The following PIWIL1 variants were observed in gnomAD, a reference collection of about 807,000 sequenced individuals.
PIWIL1 encodes the protein piwi like RNA-mediated gene silencing 1, also known as piwi-like protein 1.
Under a neutral mutation model 114.4 loss-of-function variants are expected in PIWIL1, and 73 were observed. The observed-to-expected ratio is 0.64, with a 90% confidence interval of 0.53 to 0.78. PIWIL1 has a LOEUF of 0.78. Ranked by LOEUF, PIWIL1 falls within the 30% of genes least tolerant of loss-of-function variation. The pLI, the probability that PIWIL1 is intolerant of heterozygous loss-of-function variation, is 0.00. For missense variants in PIWIL1, 723 were observed against 1,063.1 expected (o/e 0.68, Z 4.45); for synonymous variants, 375 against 369.0 (o/e 1.02, Z -0.19).
chr12:130,397,677 T>G, the PIWIL1 span: 1 of 395,730 alleles, frequency 2.5e-6, no homozygotes, highest in Non-Finnish European at 4.5e-6. Context: ...TTTCAGTTGT[T>G]GAAGTATGCC....
chr12:130,350,780 G>A (rs775524005), intron 9 of PIWIL1, among the ~76,000 whole-genome samples: 1 of 152,090 alleles, frequency 6.6e-6, no homozygotes, highest in East Asian at 1.9e-4. Context: ...AGTATTTCCT[G>A]TTTCTAAAAA....
At chr12:130,424,622 C>A in the PIWIL1 span, 2 of 1,231,938 alleles carry the variant, frequency 1.6e-6, no homozygotes, top group South Asian at 8.2e-5. The surrounding 1 kb of genome is among the most constrained non-coding windows in gnomAD (Gnocchi z 9.8). Flanking sequence ...TCACCGGGAA[C>A]CAGGAGCCCC....
At chr12:130,424,034 A>G in the PIWIL1 span, 1 of 549,006 alleles carries the variant, frequency 1.8e-6, no homozygotes, top group Non-Finnish European at 2.7e-6. The surrounding 1 kb of genome is among the most constrained non-coding windows in gnomAD (Gnocchi z 9.8). Flanking sequence ...AAAGACAGCC[A>G]GCAAGAGAGT....
chr12:130,354,425 CT>C (rs1193915533), intron 9 of PIWIL1, 111 bp from the exon 10 acceptor site: 3 of 1,341,706 alleles, frequency 2.2e-6, no homozygotes, highest in Non-Finnish European at 3.1e-6. Flanking sequence ...TATTATCAGC[CT>C]TGCTATTGGC....
intron 19 of PIWIL1, among the ~76,000 whole-genome samples, chr12:130,368,154 T>G (rs992897448): frequency 1.3e-5 from 2 of 152,186 alleles, no homozygotes; most frequent in Admixed American, 6.5e-5. Context: ...GAGGTGTTGT[T>G]AATGCAGTGA....
At chr12:130,346,011 G>A (rs1236221194) in intron 4 of PIWIL1, 133 bp downstream of exon 4, 2 of 850,916 alleles carry the variant, frequency 2.4e-6, no homozygotes, top group Non-Finnish European at 3.6e-6. Flanking sequence ...ACTTTCTTTT[G>A]GCGTTGATGA....
chr12:130,387,884 T>A, the PIWIL1 span, among the ~76,000 whole-genome samples: 1 of 152,240 alleles, frequency 6.6e-6, no homozygotes, highest in South Asian at 2.1e-4. Context: ...TTGTCCAAAT[T>A]TGCCAGTTTT....
intron 1 of PIWIL1, among the ~76,000 whole-genome samples, chr12:130,338,483 T>C (rs77539184): frequency 0.089 from 371 of 4,162 alleles, 50 homozygotes; most frequent in African/African-American, 0.25. Context: ...GTCCCAGGTG[T>C]GGGAGATGCA....
At chr12:130,393,569 T>C in the PIWIL1 span, among the ~76,000 whole-genome samples, 3 of 152,212 alleles carry the variant, frequency 2.0e-5, no homozygotes, top group African/African-American at 7.2e-5. Context: ...GATGACCCAG[T>C]CACCATCCTC....
chr12:130,361,457 G>C (rs753127359), intron 15 of PIWIL1, 41 bp from the exon 16 acceptor site: 3 of 1,608,302 alleles, frequency 1.9e-6, no homozygotes, highest in Non-Finnish European at 2.6e-6. Flanking sequence ...AAATGTTGCT[G>C]GTACTCCATT....
downstream of PIWIL1, among the ~76,000 whole-genome samples, chr12:130,376,148 C>G (rs2073864687): frequency 6.6e-6 from 1 of 152,336 alleles, no homozygotes; most frequent in South Asian, 2.1e-4. Flanking sequence ...CAGCTGTCTC[C>G]TAGACGTCTC....
chr12:130,369,325 C>G (rs1351631969), intron 19 of PIWIL1, among the ~76,000 whole-genome samples: 1 of 152,126 alleles, frequency 6.6e-6, no homozygotes, highest in Non-Finnish European at 1.5e-5. Flanking sequence ...GATTCCATGT[C>G]TTTGCTATTG....
intron 9 of PIWIL1, among the ~76,000 whole-genome samples, 188 bp from the exon 10 acceptor site, chr12:130,354,349 T>C (rs1024201622): frequency 1.3e-5 from 2 of 152,220 alleles, no homozygotes; most frequent in East Asian, 1.9e-4. Context: ...CAGTAGAGCA[T>C]AGAAGTCACA....
the PIWIL1 span, among the ~76,000 whole-genome samples, chr12:130,416,717 A>G: frequency 6.6e-6 from 1 of 152,322 alleles, no homozygotes; most frequent in African/African-American, 2.4e-5. Context: ...ACAAAAATTA[A>G]CATGCATGAC....
the PIWIL1 span, among the ~76,000 whole-genome samples, chr12:130,421,724 T>TGTGTGTGTGTGTGTGTGTGTGTGTG: frequency 6.6e-6 from 1 of 151,366 alleles, no homozygotes; most frequent in African/African-American, 2.4e-5. Flanking sequence ...TGTGTGTGTG[T>TGTGTGTGTGTGTGTGTGTGTGTGTG]TTTCATAGAA....
the PIWIL1 span, among the ~76,000 whole-genome samples, chr12:130,405,048 A>G: frequency 2.0e-5 from 3 of 152,216 alleles, no homozygotes; most frequent in Admixed American, 6.5e-5. Flanking sequence ...TGAGATTTAC[A>G]TGTGGAAAGT....
At chr12:130,399,591 A>AGAT in the PIWIL1 span, 115 of 1,473,526 alleles carry the variant, frequency 7.8e-5, no homozygotes, top group African/African-American at 1.5e-3. Context: ...TTTCGGCCCA[A>AGAT]GATATAAAAA....
chr12:130,374,859 T>C (rs929349050), downstream of PIWIL1, among the ~76,000 whole-genome samples: 1 of 152,184 alleles, frequency 6.6e-6, no homozygotes, highest in African/African-American at 2.4e-5. Flanking sequence ...CTGGAGCTCA[T>C]TCTCAACAGC....
At chr12:130,424,064 A>C in the PIWIL1 span, 1 of 798,726 alleles carries the variant, frequency 1.3e-6, no homozygotes, top group Non-Finnish European at 1.7e-6. The surrounding 1 kb of genome is among the most constrained non-coding windows in gnomAD (Gnocchi z 9.8). Flanking sequence ...TGGACACCAG[A>C]ACAAACAGAA....
Sources: gnomAD v4.1 joint callset for allele counts (sites outside exome capture counted in the v4.1 genomes callset) on GRCh38, gnomAD v4.1.1 for gene constraint, Gnocchi (gnomAD v3.1) non-coding constraint, MANE v1.5 for transcripts, NCBI Gene and HGNC (gene_info 2026-07-23, HGNC 2026-07-21) for gene names.